PEBP4: variants seen among roughly 807,000 people sequenced by gnomAD.
The protein encoded by PEBP4 is phosphatidylethanolamine-binding protein 4.
In PEBP4, 22 loss-of-function variants were observed where a neutral mutation model predicts 23.9. The observed-to-expected ratio is 0.92, with a 90% CI of 0.66 to 1.31. The LOEUF is 1.31. Ranked by LOEUF, PEBP4 falls within the 40% of genes most tolerant of loss-of-function variation. The pLI, the probability that PEBP4 is intolerant of heterozygous loss-of-function variation, is 0.00. For missense variants in PEBP4, 324 were observed against 281.7 expected (o/e 1.15, Z -1.07); for synonymous variants, 112 against 99.3 (o/e 1.13, Z -0.76).
intron 4 of PEBP4, among the ~76,000 whole-genome samples, chr8:22,816,101 G>A (rs578004966): frequency 4.3e-4 from 66 of 151,984 alleles, no homozygotes; most frequent in Non-Finnish European, 1.3e-4. Flanking sequence ...CTCTAGCCTT[G>A]GGGGGTGAGG....
At chr8:22,733,214 C>T (rs1023155154) in intron 4 of PEBP4, among the ~76,000 whole-genome samples, 11 of 152,104 alleles carry the variant, frequency 7.2e-5, no homozygotes, top group Non-Finnish European at 1.5e-4. Context: ...GGGGACTACA[C>T]CCTACCCATC....
At chr8:22,823,834 C>T (rs922496914) in intron 3 of PEBP4, among the ~76,000 whole-genome samples, 1 of 152,046 alleles carries the variant, frequency 6.6e-6, no homozygotes, top group African/African-American at 2.4e-5. Flanking sequence ...GGATGAACAG[C>T]ATGAATGGGT....
intron 4 of PEBP4, among the ~76,000 whole-genome samples, chr8:22,797,541 GAGA>G (rs1401818243): frequency 1.3e-5 from 2 of 152,182 alleles, no homozygotes; most frequent in Non-Finnish European, 2.9e-5. Flanking sequence ...CGTTTTGGGA[GAGA>G]AGAAGGGAAA....
Position 22,862,411 on chromosome 8 carries a change from CAGG to C in PEBP4, c.259-44679_259-44677del, listed in dbSNP as rs532267676. 5.7e-4 allele frequency among the ~76,000 whole-genome samples: 87 copies of C among 152,252 alleles called. No individual in the cohort carries two copies. In the East Asian group the frequency reaches 0.012, roughly 20 times the overall value. ...AGAAGAGTGATTCAGCGATTAATGT[CAGG>C]GTCCCTGATTTCCTCCCTAAGTATC... On this transcript the variant is annotated intron_variant, in intron 3 of 6. Coordinates refer to ENST00000256404, the MANE Select transcript of PEBP4 (RefSeq NM_144962.3).
chr8:22,877,920 C>G (rs2128771589), intron 3 of PEBP4: 1 of 152,212 alleles, frequency 6.6e-6, no homozygotes, highest in South Asian at 2.1e-4. Flanking sequence ...CATCCATACA[C>G]TGCACACGCG....
At chr8:22,822,604 C>T (rs1281829276) in intron 3 of PEBP4, among the ~76,000 whole-genome samples, 1 of 151,702 alleles carries the variant, frequency 6.6e-6, no homozygotes, top group Non-Finnish European at 1.5e-5. Context: ...CAACTGGAAA[C>T]AAAAGTAATA....
chr8:22,895,152 T>C (rs1222405506), intron 3 of PEBP4, among the ~76,000 whole-genome samples: 1 of 152,226 alleles, frequency 6.6e-6, no homozygotes, highest in African/African-American at 2.4e-5. Context: ...TTGGGCCATA[T>C]TGATCAATAT....
chr8:22,882,837 G>C (rs1808292312), intron 3 of PEBP4, among the ~76,000 whole-genome samples: 1 of 152,064 alleles, frequency 6.6e-6, no homozygotes, highest in South Asian at 2.1e-4. Flanking sequence ...CCCCAGGGTG[G>C]GTACTAGACC....
intron 3 of PEBP4, among the ~76,000 whole-genome samples, chr8:22,896,774 C>T (rs1208280466): frequency 2.0e-5 from 3 of 152,052 alleles, no homozygotes; most frequent in African/African-American, 4.8e-5. Flanking sequence ...TATGTCATGA[C>T]CTGTTATATG....
In PEBP4 at chr8:22,720,862, C is replaced by G. The variant is rs529605161; in HGVS notation, c.517+3981G>C. On this transcript the variant is annotated intron_variant, in intron 6 of 6. Coordinates refer to ENST00000256404, the MANE Select transcript of PEBP4 (RefSeq NM_144962.3). The stretch of plus-strand genomic sequence containing the variant: ...CACACATGCATGAGAGCAGGGACAC[C>G]ATCACATGGTGACTTCTTACAGCAC... Among the ~76,000 whole-genome samples, 3 of 152,322 alleles carry G rather than the reference C, an allele frequency of 2.0e-5. No homozygotes were observed. The South Asian group carries it at 6.2e-4, about 32-fold the overall frequency.
intron 4 of PEBP4, among the ~76,000 whole-genome samples, chr8:22,808,563 C>A (rs879806253): frequency 1.3e-5 from 2 of 152,222 alleles, no homozygotes; most frequent in African/African-American, 4.8e-5. Context: ...AGTGTGGCAG[C>A]AGCACAGCGG....
intron 3 of PEBP4, among the ~76,000 whole-genome samples, chr8:22,848,759 A>G (rs1196230874): frequency 6.6e-6 from 1 of 152,208 alleles, no homozygotes; most frequent in East Asian, 1.9e-4. Context: ...CTGTGTTTTC[A>G]GGGAAGAGAC....
At chr8:22,750,768 C>G (rs1435258394) in intron 4 of PEBP4, among the ~76,000 whole-genome samples, 3 of 152,144 alleles carry the variant, frequency 2.0e-5, no homozygotes, top group Non-Finnish European at 2.9e-5. Flanking sequence ...GAACTAAGAC[C>G]TGAGCAAAGG....
At chr8:22,911,346 C>T (rs1488714914) in intron 3 of PEBP4, among the ~76,000 whole-genome samples, 1 of 152,064 alleles carries the variant, frequency 6.6e-6, no homozygotes, top group African/African-American at 2.4e-5. Context: ...AGCCCAGCCC[C>T]CAGCAGCTGC....
intron 3 of PEBP4, among the ~76,000 whole-genome samples, chr8:22,896,542 A>G (rs1474768636): frequency 6.6e-6 from 1 of 152,154 alleles, no homozygotes; most frequent in Non-Finnish European, 1.5e-5. Context: ...TTTCTGATTC[A>G]GCATTTTCTG....
chr8:22,910,026 A>C (rs2466209), intron 3 of PEBP4, among the ~76,000 whole-genome samples: 2 of 152,006 alleles, frequency 1.3e-5, no homozygotes, highest in African/African-American at 4.8e-5. Context: ...AATGTCCGCC[A>C]GGTTGTGAGG....
At chr8:22,714,271 A>G (rs1330816613) in intron 6 of PEBP4, among the ~76,000 whole-genome samples, 1 of 152,174 alleles carries the variant, frequency 6.6e-6, no homozygotes, top group Non-Finnish European at 1.5e-5. Context: ...CAGGGCAAGA[A>G]GGGCACAGCC....
chr8:22,910,995 G>A (rs751529328), intron 3 of PEBP4, among the ~76,000 whole-genome samples: 5 of 152,030 alleles, frequency 3.3e-5, no homozygotes, highest in Admixed American at 6.5e-5. Context: ...CAAATGCACC[G>A]CTCTGGTGGG....
At chr8:22,876,854 A>G (rs1808132490) in intron 3 of PEBP4, among the ~76,000 whole-genome samples, 1 of 152,214 alleles carries the variant, frequency 6.6e-6, no homozygotes. Flanking sequence ...TGTTCAGGGT[A>G]GAAAGGAGAA....
Sources: allele counts gnomAD v4.1 joint callset (sites outside exome capture counted in the v4.1 genomes callset), GRCh38; gene constraint gnomAD v4.1.1; transcripts MANE v1.5; gene names NCBI Gene and HGNC (gene_info 2026-07-23, HGNC 2026-07-21).